GSE1: variants seen among roughly 807,000 people sequenced by gnomAD.
The protein encoded by GSE1 is Gse1 coiled-coil protein.
A neutral mutation model predicts 112.6 loss-of-function variants in GSE1; 32 were observed. The ratio of observed to expected loss-of-function variants is 0.28; its 90% confidence interval spans 0.21 to 0.38. The LOEUF (loss-of-function observed/expected upper bound fraction) is 0.38, where lower values mean the gene tolerates loss of function less well. Ranked by LOEUF, GSE1 falls within the 10% of genes least tolerant of loss-of-function variation. GSE1 has a pLI of 1.00. For synonymous variants in GSE1, 1,115 were observed against 735.6 expected, an observed-to-expected ratio of 1.52 and a Z score of -8.35; for missense variants, 2,348 against 1,699.2, an observed-to-expected ratio of 1.38 and a Z score of -6.71.
chr16:85,665,110 C>T lies in GSE1; in HGVS notation c.2740C>T (p.Pro914Ser), dbSNP rs760500578. The change falls in exon 12 of 16, where the codon CCT (proline) becomes TCT (serine). Residue 914 changes from proline to serine, a missense_variant. Transcript: ENST00000253458. Reference protein sequence around the residue: ...DSLTNSPRDSPAVSLSEPATQ... With the variant: ...DSLTNSPRDSSAVSLSEPATQ... ...CTTGACAAACTCTCCGAGGGACAGT[C>T]CTGCCGTCTCCCTGAGTGGTAAGGG... 345 of 1,603,694 alleles carry T rather than the reference C, an allele frequency of 2.2e-4. No individual in the cohort carries two copies. Among genetic ancestry groups the T allele is most frequent in the Admixed American group, 5.2e-4 (31 of 59,990 alleles).
At chr16:85,512,905 C>T (rs1410037092) in intron 2 of GSE1, among the ~76,000 whole-genome samples, 1 of 152,052 alleles carries the variant, frequency 6.6e-6, no homozygotes, top group Non-Finnish European at 1.5e-5. Context: ...CCAGACAAGG[C>T]CTTGAGAGAG....
intron 1 of GSE1, among the ~76,000 whole-genome samples, chr16:85,210,866 CCTGGACTCTTCTT>C (rs1162029661): frequency 6.6e-6 from 1 of 152,188 alleles, no homozygotes; most frequent in Non-Finnish European, 1.5e-5. Flanking sequence ...AGAGGAGCCA[CCTGGACTCTTCTT>C]CTGGCCAAGA....
At chr16:85,482,977 C>CAAAAA (rs3054201) in intron 2 of GSE1, among the ~76,000 whole-genome samples, 2 of 48,254 alleles carry the variant, frequency 4.1e-5, no homozygotes, top group African/African-American at 1.4e-4. Context: ...GACTCCGTCT[C>CAAAAA]AAAAAAAAAA....
chr16:85,618,177 G>C (rs1436162284), intron 1 of GSE1, among the ~76,000 whole-genome samples: 1 of 152,136 alleles, frequency 6.6e-6, no homozygotes, highest in East Asian at 1.9e-4. Context: ...GTGTGTAATA[G>C]TGGCTTTGGG....
intron 1 of GSE1, among the ~76,000 whole-genome samples, chr16:85,560,999 G>A (rs953390222): frequency 1.3e-5 from 2 of 151,978 alleles, no homozygotes; most frequent in African/African-American, 4.8e-5. Flanking sequence ...GATCGTGGTG[G>A]TGCCTGCCTG....
intron 1 of GSE1, among the ~76,000 whole-genome samples, chr16:85,237,597 G>C (rs1385409482): frequency 2.0e-5 from 3 of 152,096 alleles, no homozygotes; most frequent in African/African-American, 7.2e-5. Context: ...CCAGCACTTT[G>C]GGAGGCCGAG....
rs1273739419 is a variant in GSE1, at chr16:85,674,972, TAAGAAA to T, written c.*2437_*2442del. ...AACCAGTAAGGCAACACGAATAAAC[TAAGAAA>T]AAGGTAAGAACTGTCTCAAAAACGA... On this transcript the variant is annotated 3_prime_UTR_variant, in exon 16 of 16. Transcript: ENST00000253458. The T allele has an allele frequency of 6.6e-6, 1 of 152,466 alleles. No individual in the cohort carries two copies. The highest frequency in any genetic ancestry group is 2.4e-5 in the African/African-American group (1 of 41,398). 9.4% of individuals were successfully genotyped at this position (152,466 alleles called of 1,614,324 possible).
At chr16:85,347,531 C>T (rs1043310538) in intron 1 of GSE1, among the ~76,000 whole-genome samples, 2 of 152,184 alleles carry the variant, frequency 1.3e-5, no homozygotes, top group Admixed American at 6.5e-5. Context: ...TCAGTTTCGT[C>T]AACATGGATG....
intron 3 of GSE1, among the ~76,000 whole-genome samples, chr16:85,650,407 C>G (rs1187936086): frequency 6.6e-6 from 1 of 152,172 alleles, no homozygotes; most frequent in Non-Finnish European, 1.5e-5. Flanking sequence ...AGGCCACTTC[C>G]CTGCCCCAGC....
chr16:85,390,681 TC>T (rs1190727582), intron 2 of GSE1, among the ~76,000 whole-genome samples: 2 of 92,230 alleles, frequency 2.2e-5, no homozygotes, highest in African/African-American at 7.4e-5. Flanking sequence ...CCCCGCCTTG[TC>T]CCCCCCACCG....
intron 1 of GSE1, among the ~76,000 whole-genome samples, chr16:85,247,800 C>G (rs1293095611): frequency 6.6e-6 from 1 of 152,206 alleles, no homozygotes; most frequent in Admixed American, 6.5e-5. Flanking sequence ...GGGGACATGC[C>G]AGGGGGCTGG....
rs1419317186 is a variant in GSE1, at chr16:85,478,903, CTT to C, written c.2464+121262_2464+121263del. On this transcript the variant is annotated intron_variant, in intron 2 of 2. Transcript: ENST00000637419. ...TCTTTCTTTCTTTCTTTCTTTCTTT[CTT>C]TCTTTCTTTCTTTCTTTCTTTCTCT... 3.9e-3 allele frequency among the ~76,000 whole-genome samples: 260 copies of C among 67,506 alleles called. 3 individuals are homozygous for C. Among genetic ancestry groups the C allele is most frequent in the African/African-American group, 5.9e-3 (84 of 14,262 alleles). 44.3% of individuals were successfully genotyped at this position (67,506 alleles called of 152,430 possible). A position where few individuals can be genotyped will look rare whatever the true frequency, so the allele number is the denominator to read the frequency against.
chr16:85,511,041 A>G (rs772529567), intron 2 of GSE1, among the ~76,000 whole-genome samples: 1 of 152,226 alleles, frequency 6.6e-6, no homozygotes, highest in Non-Finnish European at 1.5e-5. Context: ...CCATGAAGAC[A>G]AGGGCTGCGC....
At chr16:85,370,592 C>T (rs2047274414) in intron 2 of GSE1, among the ~76,000 whole-genome samples, 1 of 151,768 alleles carries the variant, frequency 6.6e-6, no homozygotes, top group African/African-American at 2.4e-5. Context: ...CTTTCCCCTC[C>T]CTCTTCTCTT....
chr16:85,408,185 A>T (rs79752247), intron 2 of GSE1, among the ~76,000 whole-genome samples: 12 of 23,144 alleles, frequency 5.2e-4, no homozygotes, highest in East Asian at 2.3e-3. Flanking sequence ...TCACTGTTAC[A>T]CTCAGGCCCC....
chr16:85,505,021 A>ACGT (rs2051492378), intron 2 of GSE1, among the ~76,000 whole-genome samples: 1 of 151,774 alleles, frequency 6.6e-6, no homozygotes, highest in East Asian at 2.0e-4. Flanking sequence ...ACACATGTGC[A>ACGT]CGCACACACA....
At position 85,292,971 on chromosome 16, in the gene GSE1, A is replaced by G. The variant is rs1170933967; in HGVS notation, c.2284-64492A>G. 5.9e-5 allele frequency among the ~76,000 whole-genome samples: 9 copies of G among 152,266 alleles called. No individual in the cohort carries two copies. In the East Asian group the frequency reaches 7.7e-4, roughly 13 times the overall value. On this transcript the variant is annotated intron_variant, in intron 1 of 2. Coordinates refer to the GSE1 transcript ENST00000637419. ...TTTATGGAGGAATATTATACATACAATACAAGCCACATGTTTTAAGTGTCC... is the reference window on the plus strand; with the variant it reads ...TTTATGGAGGAATATTATACATACAGTACAAGCCACATGTTTTAAGTGTCC...
At chr16:85,220,576 T>C (rs2075373618) in intron 1 of GSE1, among the ~76,000 whole-genome samples, 1 of 152,192 alleles carries the variant, frequency 6.6e-6, no homozygotes, top group Non-Finnish European at 1.5e-5. Flanking sequence ...TTCCCCTCCC[T>C]TTTGAACTTC....
In GSE1 at chr16:85,572,666, G is replaced by T. The variant is rs149142661; in HGVS notation, c.37+16303G>T. Among the ~76,000 whole-genome samples, 797 of 152,280 alleles carry T rather than the reference G, an allele frequency of 5.2e-3. 5 individuals carry two copies. The highest frequency in any genetic ancestry group is 0.018 in the African/African-American group (734 of 41,560). ...ATGGGCTGCTTAGAACCCAGCAGGG[G>T]CTGCTCCGGAACCCAGTTCTCCTCC... On this transcript the variant is annotated intron_variant, in intron 1 of 2. Coordinates refer to the GSE1 transcript ENST00000635906.
Sources: allele counts gnomAD v4.1 joint callset (sites outside exome capture counted in the v4.1 genomes callset), GRCh38; gene constraint gnomAD v4.1.1; transcripts MANE v1.5; gene names NCBI Gene and HGNC (gene_info 2026-07-23, HGNC 2026-07-21).